Variants in ABI2 observed in about 807,000 individuals in gnomAD.
ABI2 encodes abl interactor 2.
ABI2 carries 25 observed loss-of-function variants against 59.2 expected under a neutral mutation model. The observed-to-expected ratio is 0.42, with a 90% CI of 0.31 to 0.59. The LOEUF (loss-of-function observed/expected upper bound fraction) is 0.59. ABI2 is among the 20% of genes least tolerant of loss of function. ABI2 has a pLI of 0.14. For synonymous variants in ABI2, 213 were observed against 235.5 expected, an observed-to-expected ratio of 0.90 and a Z score of 0.87; for missense variants, 545 against 681.8, an observed-to-expected ratio of 0.80 and a Z score of 2.23.
At chr2:203,377,935 T>C (rs2095820759) in intron 2 of ABI2, among the ~76,000 whole-genome samples, 1 of 152,170 alleles carries the variant, frequency 6.6e-6, no homozygotes, top group Non-Finnish European at 1.5e-5. Context: ...CAAATGTGAT[T>C]AATTTCCATT....
chr2:203,355,314 T>C, intron 1 of ABI2: 1 of 212,306 alleles, frequency 4.7e-6, no homozygotes, highest in Non-Finnish European at 1.0e-5. Context: ...AAGACTAGCC[T>C]GAGCAACATG....
chr2:203,372,282 A>AT (rs2095288588), intron 2 of ABI2, among the ~76,000 whole-genome samples: 1 of 152,024 alleles, frequency 6.6e-6, no homozygotes, highest in East Asian at 1.9e-4. Context: ...AGGCAGAAGA[A>AT]TTTTTCTTGG....
At chr2:203,419,552 T>G (rs1001168019) in intron 11 of ABI2, among the ~76,000 whole-genome samples, 2 of 151,350 alleles carry the variant, frequency 1.3e-5, no homozygotes, top group African/African-American at 4.9e-5. Flanking sequence ...GTATTTTTTT[T>G]TTTTTTGGTA....
At position 203,431,904 on chromosome 2, in the gene ABI2, A is replaced by G. The variant is rs2098486771; in HGVS notation, c.*4552A>G. ...TTGTGTCCATGCACCATTTTTCTTA[A>G]AATGGCTTACAAAAAAGAATGTAAA... On this transcript the variant is annotated 3_prime_UTR_variant, in exon 12 of 12. Transcript: ENST00000261018. 6.6e-6 allele frequency: 1 copy of G among 152,180 alleles called. No individual in the cohort carries two copies. The highest frequency in any genetic ancestry group is 2.1e-4 in the South Asian group (1 of 4,830). The allele number at this position is 152,180 out of a possible 1,614,324, so 9.4% of individuals were successfully genotyped here. A position where few individuals can be genotyped will look rare whatever the true frequency, so the allele number is the denominator to read the frequency against.
chr2:203,350,159 C>T (rs1159971753), intron 1 of ABI2, among the ~76,000 whole-genome samples: 1 of 152,216 alleles, frequency 6.6e-6, no homozygotes, highest in African/African-American at 2.4e-5. Context: ...TCACTGTAAC[C>T]TCTGTCTCCC....
intron 1 of ABI2, among the ~76,000 whole-genome samples, chr2:203,336,556 C>G (rs528699286): frequency 6.6e-6 from 1 of 152,268 alleles, no homozygotes; most frequent in Admixed American, 6.5e-5. Context: ...AGATGAGGCT[C>G]TCTATTGTAC....
chr2:203,372,780 C>G (rs1425211717), intron 2 of ABI2, among the ~76,000 whole-genome samples: 1 of 151,344 alleles, frequency 6.6e-6, no homozygotes, highest in African/African-American at 2.4e-5. Context: ...GGAGGGTCTC[C>G]TCACTTCTCA....
At chr2:203,363,770 T>C (rs2093907671) in intron 1 of ABI2, among the ~76,000 whole-genome samples, 1 of 152,190 alleles carries the variant, frequency 6.6e-6, no homozygotes, top group Non-Finnish European at 1.5e-5. Context: ...TTCTTTTCTT[T>C]TCTTTTTTTT....
At chr2:203,376,200 C>A in intron 2 of ABI2, 1 of 1,215,382 alleles carries the variant, frequency 8.2e-7, no homozygotes, top group Non-Finnish European at 1.1e-6. Context: ...GTTTTGCCCC[C>A]AAGGGGACAT....
chr2:203,424,651 G>A (rs551270714), intron 11 of ABI2, among the ~76,000 whole-genome samples: 4 of 152,080 alleles, frequency 2.6e-5, no homozygotes, highest in South Asian at 2.1e-4. Flanking sequence ...CTCCTGCCTC[G>A]GCCTCCCAAA....
chr2:203,392,784 T>G (rs151308128), intron 5 of ABI2, among the ~76,000 whole-genome samples: 38 of 152,302 alleles, frequency 2.5e-4, no homozygotes, highest in African/African-American at 8.9e-4. Flanking sequence ...GAATGAAACT[T>G]TGTGTTGTTT....
intron 5 of ABI2, among the ~76,000 whole-genome samples, chr2:203,392,009 AGCCAGGTGAT>A (rs1451379618): frequency 2.0e-5 from 3 of 152,144 alleles, no homozygotes; most frequent in Non-Finnish European, 4.4e-5. Flanking sequence ...ATAGCCCAGA[AGCCAGGTGAT>A]TAAAATTCTG....
chr2:203,425,123 T>C (rs1466263938), intron 11 of ABI2, among the ~76,000 whole-genome samples: 1 of 151,598 alleles, frequency 6.6e-6, no homozygotes, highest in Non-Finnish European at 1.5e-5. Context: ...AGAAAATGAA[T>C]GTAGATAGAG....
rs749839606 is a variant in ABI2 at position 203,366,871 on chromosome 2, T to TC, written c.118-3dup. 4.6e-6 allele frequency: 7 copies of TC among 1,528,358 alleles called. No homozygotes were observed. The highest frequency in any genetic ancestry group is 1.4e-5 in the African/African-American group (1 of 72,154). 94.7% of individuals were successfully genotyped at this position (1,528,358 alleles called of 1,614,324 possible). A position where few individuals can be genotyped will look rare whatever the true frequency, so the allele number is the denominator to read the frequency against. Reference sequence around the variant, plus strand: ...TTAATGATCACTGGTTTGTTTTTTTTCCCAGTCAGCAGATAAGCAGAGAGC... The same window carrying TC: ...TTAATGATCACTGGTTTGTTTTTTTTCCCCAGTCAGCAGATAAGCAGAGAGC... On this transcript the variant is annotated splice_region_variant and splice_polypyrimidine_tract_variant and intron_variant, in intron 1 of 11. Transcript: ENST00000261018.
intron 9 of ABI2, among the ~76,000 whole-genome samples, chr2:203,404,681 C>A (rs908930153): frequency 6.6e-6 from 1 of 152,134 alleles, no homozygotes; most frequent in Non-Finnish European, 1.5e-5. Context: ...GCCTCAGCCT[C>A]CCAAGTAGCA....
chr2:203,344,572 T>TG (rs2082060536), intron 1 of ABI2, among the ~76,000 whole-genome samples: 2 of 151,528 alleles, frequency 1.3e-5, no homozygotes, highest in Non-Finnish European at 2.9e-5. Context: ...TTTTTGTTTT[T>TG]TTTTTTTGAG....
chr2:203,339,580 C>CAAAAAAAAAAAAAAA (rs943110280), intron 1 of ABI2, among the ~76,000 whole-genome samples: 1 of 59,140 alleles, frequency 1.7e-5, no homozygotes, highest in Non-Finnish European at 3.5e-5. Context: ...GACTCCGTCT[C>CAAAAAAAAAAAAAAA]AAAAAAAAAA....
chr2:203,407,215 G>A (rs2097462900), intron 9 of ABI2, among the ~76,000 whole-genome samples: 2 of 152,082 alleles, frequency 1.3e-5, no homozygotes, highest in African/African-American at 2.4e-5. Context: ...GTGAGCCACC[G>A]CATCCAGCCT....
intron 4 of ABI2, among the ~76,000 whole-genome samples, chr2:203,388,887 G>C (rs1030328951): frequency 2.6e-5 from 4 of 152,000 alleles, no homozygotes; most frequent in Non-Finnish European, 5.9e-5. Context: ...CCCATGTATA[G>C]AATAAAATTC....
Sources: allele counts gnomAD v4.1 joint callset (sites outside exome capture counted in the v4.1 genomes callset), GRCh38; gene constraint gnomAD v4.1.1; transcripts MANE v1.5; gene names NCBI Gene and HGNC (gene_info 2026-07-23, HGNC 2026-07-21).